The following STRBP variants were observed in gnomAD, a reference collection of about 807,000 sequenced individuals.
STRBP encodes the protein spermatid perinuclear RNA binding protein, also known as spermatid perinuclear RNA-binding protein.
In STRBP, 13 loss-of-function variants were observed where a neutral mutation model predicts 80.1. That is an observed-to-expected ratio of 0.16 (90% CI 0.11 to 0.26). The LOEUF (loss-of-function observed/expected upper bound fraction) is 0.26. STRBP is among the 10% of genes least tolerant of loss of function. The pLI is 1.00. For missense variants in STRBP, 485 were observed against 815.2 expected, an observed-to-expected ratio of 0.59 and a Z score of 4.93; for synonymous variants, 284 against 291.2, an observed-to-expected ratio of 0.98 and a Z score of 0.25.
At position 123,123,056 on chromosome 9, in the gene STRBP, G is replaced by A; in HGVS notation, c.*2541C>T. ...TCTGAAAGCTGGATAGCCTCAGGGTGTCACATTGCTCTTAAGACCAAGACA... is the reference window on the plus strand; with the variant it reads ...TCTGAAAGCTGGATAGCCTCAGGGTATCACATTGCTCTTAAGACCAAGACA... On this transcript the variant is annotated 3_prime_UTR_variant, in exon 19 of 19. Coordinates refer to ENST00000348403, the MANE Select transcript of STRBP (RefSeq NM_018387.5). 2.0e-6 allele frequency: 2 copies of A among 985,456 alleles called. No individual in the cohort carries two copies. The highest frequency in any genetic ancestry group is 2.4e-6 in the Non-Finnish European group (2 of 829,942). 61.0% of individuals were successfully genotyped at this position (985,456 alleles called of 1,614,324 possible). A position where few individuals can be genotyped will look rare whatever the true frequency, so the allele number is the denominator to read the frequency against.
At chr9:123,144,635 A>G (rs1167577127) in intron 13 of STRBP, among the ~76,000 whole-genome samples, 1 of 152,236 alleles carries the variant, frequency 6.6e-6, no homozygotes, top group Non-Finnish European at 1.5e-5. Context: ...TACGTATTAG[A>G]ACTATGAATT....
Position 123,230,636 on chromosome 9 carries a change from A to G in STRBP, c.-165+6194T>C, listed in dbSNP as rs189892543. ...ACATCACCCAATTCATTTACCAATC[A>G]CTGTCTTTCATATTTATTTTTCAAA... On this transcript the variant is annotated intron_variant, in intron 2 of 18. Coordinates refer to ENST00000348403, the MANE Select transcript of STRBP (RefSeq NM_018387.5). Among the ~76,000 whole-genome samples the G allele has an allele frequency of 1.6e-4, 24 of 152,274 alleles. No individual in the cohort carries two copies. In the East Asian group the frequency reaches 1.9e-3, roughly 12 times the overall value.
At chr9:123,225,745 C>A (rs2040215500) in intron 2 of STRBP, among the ~76,000 whole-genome samples, 1 of 152,194 alleles carries the variant, frequency 6.6e-6, no homozygotes, top group African/African-American at 2.4e-5. Flanking sequence ...GCCTATTTCT[C>A]CAGCCCTCCA....
At chr9:123,148,440 T>C (rs1285564537) in intron 11 of STRBP, among the ~76,000 whole-genome samples, 1 of 152,176 alleles carries the variant, frequency 6.6e-6, no homozygotes, top group African/African-American at 2.4e-5. Flanking sequence ...TATTTTGTTT[T>C]AGCAGCCGCA....
chr9:123,170,831 G>A (rs1420924299), intron 5 of STRBP, among the ~76,000 whole-genome samples: 4 of 151,884 alleles, frequency 2.6e-5, no homozygotes, highest in Non-Finnish European at 4.4e-5. Context: ...TAAGTTACAC[G>A]GGGCTTTTTT....
rs1209989037 is a variant in STRBP at position 123,124,983 on chromosome 9, T to G, written c.*614A>C. The G allele has an allele frequency of 2.5e-5, 25 of 985,652 alleles. No individual in the cohort carries two copies. The highest frequency in any genetic ancestry group is 3.0e-5 in the Non-Finnish European group (25 of 829,850). 61.1% of individuals were successfully genotyped at this position (985,652 alleles called of 1,614,324 possible). On this transcript the variant is annotated 3_prime_UTR_variant, in exon 19 of 19. Transcript: ENST00000348403. ...GCTTCTAGGGCTAAGTTATTAGTTT[T>G]CAATTCCTTGTAATTTGATACCAAA... is the stretch of plus-strand genomic sequence containing the variant.
At chr9:123,178,926 A>G (rs1381610365) in intron 4 of STRBP, 81 bp downstream of exon 4, 23 of 1,368,254 alleles carry the variant, frequency 1.7e-5, no homozygotes, top group Middle Eastern at 1.8e-4. Context: ...AAAAAACAGC[A>G]TAACACACAC....
Position 123,136,564 on chromosome 9 carries a change from T to G in STRBP, c.1498-49A>C. 1.3e-6 allele frequency: 2 copies of G among 1,593,314 alleles called. No individual in the cohort carries two copies. Among genetic ancestry groups the G allele is most frequent in the African/African-American group, 1.4e-5 (1 of 73,624 alleles). On this transcript the variant is annotated intron_variant, in intron 14 of 18. Transcript: ENST00000348403. The surrounding 1 kb of genome is among the most constrained non-coding windows in gnomAD (Gnocchi z 4.2). ...GGTTCAATCAAGTAAGATTTTAGAA[T>G]ATTACATTTCTTATTAATACAATTA...
At chr9:123,114,879 A>G (rs2035621493) in intron 3 of STRBP, 1 of 290,274 alleles carries the variant, frequency 3.4e-6, no homozygotes, top group Non-Finnish European at 7.1e-6. Context: ...CCGGCAGAGG[A>G]GCCTGGCCTG....
rs769578206 is a variant in STRBP at position 123,179,227 on chromosome 9, T to G, written c.4A>C (p.Arg2=). The change falls in exon 4 of 19, where the codon AGA becomes CGA. Residue 2 remains arginine (R), a splice_region_variant and synonymous_variant. Transcript: ENST00000348403. The stretch of plus-strand genomic sequence containing the variant: ...TCATTAGCAAAAGATCGAATAGATC[T>G]CTGTTAGAAGGAGAACGAAAACAAT... M[R]SIRSFANDDR... is the part of the protein sequence containing the mutation. 3.7e-5 allele frequency: 59 copies of G among 1,603,254 alleles called. No homozygotes were observed. Among genetic ancestry groups the G allele is most frequent in the Non-Finnish European group, 5.0e-5 (58 of 1,171,206 alleles).
intron 2 of STRBP, among the ~76,000 whole-genome samples, chr9:123,197,705 C>T (rs1429070575): frequency 3.5e-5 from 4 of 114,040 alleles, no homozygotes; most frequent in Non-Finnish European, 5.0e-5. Context: ...CACGGAGTCT[C>T]GCTCTGTCAC....
At chr9:123,246,696 A>G (rs924483551) in intron 1 of STRBP, among the ~76,000 whole-genome samples, 2 of 152,236 alleles carry the variant, frequency 1.3e-5, no homozygotes, top group African/African-American at 2.4e-5. Context: ...ACAAGTTCAG[A>G]AGAACCACAA....
intron 6 of STRBP, among the ~76,000 whole-genome samples, chr9:123,167,599 A>T (rs960376882): frequency 1.3e-5 from 2 of 152,186 alleles, no homozygotes; most frequent in African/African-American, 4.8e-5. Flanking sequence ...CAAGTGAGTC[A>T]ACAGGGCTGG....
rs1225485611 is a variant in STRBP, at chr9:123,179,010, G to C, written c.221C>G (p.Ser74Cys). 1.2e-5 allele frequency: 20 copies of C among 1,613,880 alleles called. No homozygotes were observed. The highest frequency in any genetic ancestry group is 5.5e-5 in the South Asian group (5 of 91,042). ...CCAGAGGTCAGTCCACACTCACTTG[G>C]AATAGTTTTCTCCGGCCTCATCTTT... ...VKKDEAGENY[S>C]KDQGGRTLCG... The change falls in exon 4 of 19, where the codon TCC becomes TGC. Residue 74 changes from serine to cysteine, a missense_variant. Around this residue, in one of 3 missense-constraint regions of STRBP, gnomAD observed 377 missense variants for 616.1 expected, o/e 0.61. Transcript: ENST00000348403.
At chr9:123,185,894 T>C (rs1275164624) in intron 2 of STRBP, among the ~76,000 whole-genome samples, 1 of 152,068 alleles carries the variant, frequency 6.6e-6, no homozygotes, top group Non-Finnish European at 1.5e-5. Context: ...TAGCCGGGCA[T>C]GGTGGCGGGT....
intron 17 of STRBP, 144 bp downstream of exon 17, chr9:123,132,701 A>C: frequency 2.5e-6 from 3 of 1,213,962 alleles, no homozygotes; most frequent in Non-Finnish European, 3.4e-6. Context: ...CATTCTGCCA[A>C]TTCTCTACTT....
In STRBP at chr9:123,188,024, C is replaced by A. The variant is rs1328968821; in HGVS notation, c.-164-3726G>T. ...CCTATGCTCCACCTATTTGACCTTCCCACCTTCCCCACCCCCAAGCCCTTA... is the reference window on the plus strand; with the variant it reads ...CCTATGCTCCACCTATTTGACCTTCACACCTTCCCCACCCCCAAGCCCTTA... On this transcript the variant is annotated intron_variant, in intron 2 of 18. Coordinates refer to ENST00000348403, the MANE Select transcript of STRBP (RefSeq NM_018387.5). 2.0e-5 allele frequency among the ~76,000 whole-genome samples: 3 copies of A among 152,050 alleles called. No homozygotes were observed. In the East Asian group the frequency reaches 5.8e-4, roughly 29 times the overall value.
chr9:123,243,265 C>CAAAAAAAAAAAA (rs1160280485), intron 1 of STRBP, among the ~76,000 whole-genome samples: 34 of 78,884 alleles, frequency 4.3e-4, no homozygotes, highest in Admixed American at 8.8e-4. Flanking sequence ...ATCAATAAGA[C>CAAAAAAAAAAAA]AAAAAAAAAA....
At chr9:123,201,041 T>G (rs1011538299) in intron 2 of STRBP, among the ~76,000 whole-genome samples, 1 of 152,154 alleles carries the variant, frequency 6.6e-6, no homozygotes, top group Non-Finnish European at 1.5e-5. Context: ...AATAGTAGTC[T>G]GGAATGATCT....
Sources: allele counts gnomAD v4.1 joint callset (sites outside exome capture counted in the v4.1 genomes callset), GRCh38; gene constraint gnomAD v4.1.1; regional missense constraint gnomAD v4.1.1; non-coding constraint Gnocchi (gnomAD v3.1); transcripts MANE v1.5; gene names NCBI Gene and HGNC (gene_info 2026-07-23, HGNC 2026-07-21).